Variants in FAM53A observed in about 807,000 individuals in gnomAD.
FAM53A encodes protein FAM53A.
Under a neutral mutation model 26.6 loss-of-function variants are expected in FAM53A, and 28 were observed. The ratio of observed to expected loss-of-function variants is 1.05; its 90% CI spans 0.78 to 1.45. FAM53A has a LOEUF of 1.45. Ranked by LOEUF, FAM53A falls within the 40% of genes most tolerant of loss-of-function variation. The pLI is 0.00. For synonymous variants in FAM53A, 290 were observed against 253.1 expected (o/e 1.15, Z -1.38); for missense variants, 650 against 575.8 (o/e 1.13, Z -1.32).
intron 2 of FAM53A, among the ~76,000 whole-genome samples, chr4:1,661,755 TG>T (rs1197291881): frequency 6.6e-6 from 1 of 152,156 alleles, no homozygotes; most frequent in Non-Finnish European, 1.5e-5. Flanking sequence ...CACCGCCTCA[TG>T]CCTGTGGTTA....
intron 4 of FAM53A, among the ~76,000 whole-genome samples, chr4:1,643,264 A>T (rs977651057): frequency 6.4e-4 from 98 of 152,214 alleles, no homozygotes; most frequent in Non-Finnish European, 1.2e-3. Flanking sequence ...CAGGAGATCA[A>T]GACCATCCTG....
the FAM53A span, among the ~76,000 whole-genome samples, chr4:1,583,905 C>G: frequency 6.6e-6 from 1 of 152,260 alleles, no homozygotes; most frequent in South Asian, 2.1e-4. Flanking sequence ...TATCTCACTG[C>G]TGTTTCCATT....
intron 4 of FAM53A, chr4:1,644,242 A>G (rs914406595): frequency 8.6e-5 from 132 of 1,535,910 alleles, no homozygotes; most frequent in Admixed American, 5.3e-4. Context: ...GTTTTCATTC[A>G]GAGTCGACCC....
chr4:1,655,720 T>C lies in FAM53A; in HGVS notation c.140A>G (p.Gln47Arg). ...TCCACTGAAGACCTTCCAGGGACTCTGGTCTACAAAAAAAGACACAAAGAG... is the reference window on the plus strand; with the variant it reads ...TCCACTGAAGACCTTCCAGGGACTCCGGTCTACAAAAAAAGACACAAAGAG... ...GRLFPLELND[Q>R]SPWKVFSGGP... Residue 47 changes from glutamine to arginine, a missense_variant, in exon 4 of 5, where the codon CAG becomes CGG. Physicochemically the swap from Gln to Arg is conservative, Grantham distance 43. Coordinates refer to ENST00000308132, the MANE Select transcript of FAM53A (RefSeq NM_001174070.3). 1.3e-6 allele frequency: 2 copies of C among 1,558,686 alleles called. No individual in the cohort carries two copies. Among genetic ancestry groups the C allele is most frequent in the South Asian group, 1.2e-5 (1 of 86,334 alleles).
intron 2 of FAM53A, among the ~76,000 whole-genome samples, chr4:1,658,007 G>C (rs529946942): frequency 1.3e-5 from 2 of 150,848 alleles, no homozygotes; most frequent in Admixed American, 1.3e-4. Context: ...ACACTAAGCA[G>C]ACTTTTTTTT....
chr4:1,576,883 C>T, the FAM53A span, among the ~76,000 whole-genome samples: 6 of 152,284 alleles, frequency 3.9e-5, no homozygotes, highest in East Asian at 3.9e-4. Context: ...GGGCGCAGGG[C>T]GGCCTCCTTG....
At chr4:1,577,820 C>T in the FAM53A span, among the ~76,000 whole-genome samples, 1 of 152,158 alleles carries the variant, frequency 6.6e-6, no homozygotes, top group African/African-American at 2.4e-5. Flanking sequence ...CAGCCTTGTC[C>T]AATGTCGGGG....
chr4:1,583,536 G>A, the FAM53A span, among the ~76,000 whole-genome samples: 35 of 152,358 alleles, frequency 2.3e-4, no homozygotes, highest in Non-Finnish European at 4.6e-4. Context: ...ATCACCTCAT[G>A]TGCTTCTCAC....
chr4:1,589,896 C>A, the FAM53A span, among the ~76,000 whole-genome samples: 1 of 152,176 alleles, frequency 6.6e-6, no homozygotes, highest in Non-Finnish European at 1.5e-5. Context: ...TTCTATTTCA[C>A]TGATTTCTGC....
chr4:1,622,296 C>T (rs544624048), intron 1 of FAM53A, among the ~76,000 whole-genome samples: 18 of 152,342 alleles, frequency 1.2e-4, no homozygotes, highest in South Asian at 1.0e-3. Context: ...GTGGGGGTGA[C>T]GACAGGGGCA....
At chr4:1,593,553 C>T in the FAM53A span, among the ~76,000 whole-genome samples, 1 of 152,202 alleles carries the variant, frequency 6.6e-6, no homozygotes, top group South Asian at 2.1e-4. Flanking sequence ...AGGGACTTAT[C>T]TCTTTAGGGC....
chr4:1,603,749 CAAAG>C, the FAM53A span, among the ~76,000 whole-genome samples: 1 of 152,236 alleles, frequency 6.6e-6, no homozygotes, highest in African/African-American at 2.4e-5. Context: ...GAAATTGCCC[CAAAG>C]AAAGGGTTAA....
the FAM53A span, among the ~76,000 whole-genome samples, chr4:1,588,815 A>G: frequency 6.6e-6 from 1 of 152,248 alleles, no homozygotes. Context: ...TTTATTATGC[A>G]TAAATGGACA....
chr4:1,583,215 C>T, the FAM53A span, among the ~76,000 whole-genome samples: 1 of 152,180 alleles, frequency 6.6e-6, no homozygotes, highest in Non-Finnish European at 1.5e-5. Context: ...GTCGAGAGTG[C>T]ACTGGGGAGG....
the FAM53A span, among the ~76,000 whole-genome samples, chr4:1,586,624 A>G: frequency 1.3e-5 from 2 of 151,666 alleles, no homozygotes; most frequent in African/African-American, 4.8e-5. Flanking sequence ...AAAAATATAT[A>G]TATAAAAAAT....
At chr4:1,611,818 T>C in the FAM53A span, among the ~76,000 whole-genome samples, 2 of 152,172 alleles carry the variant, frequency 1.3e-5, no homozygotes, top group African/African-American at 2.4e-5. Flanking sequence ...TGGCGGCACA[T>C]GCAGAGAGAA....
rs1713640387 is a variant in FAM53A, at chr4:1,659,169, C to T, written c.76-1701G>A. On this transcript the variant is annotated intron_variant, in intron 2 of 4. Coordinates refer to ENST00000308132, the MANE Select transcript of FAM53A (RefSeq NM_001174070.3). The surrounding 1 kb of genome is among the most constrained non-coding windows in gnomAD (Gnocchi z 5.2). Reference sequence around the variant, plus strand: ...GTGTGGAGCTGTGAGCACCCGGCCACACCATGAGGACAGGGCCTGGTGCGG... The same window carrying T: ...GTGTGGAGCTGTGAGCACCCGGCCATACCATGAGGACAGGGCCTGGTGCGG... Among the ~76,000 whole-genome samples the T allele has an allele frequency of 6.6e-6, 1 of 152,244 alleles. No individual in the cohort carries two copies. Among genetic ancestry groups the T allele is most frequent in the Non-Finnish European group, 1.5e-5 (1 of 68,042 alleles).
At chr4:1,673,255 G>A (rs932400424) in intron 1 of FAM53A, among the ~76,000 whole-genome samples, 1 of 152,168 alleles carries the variant, frequency 6.6e-6, no homozygotes, top group African/African-American at 2.4e-5. Context: ...CGGCAGGGAG[G>A]ACATGTCCCA....
chr4:1,615,556 C>T (rs1714784218), downstream of FAM53A, among the ~76,000 whole-genome samples: 1 of 148,646 alleles, frequency 6.7e-6, no homozygotes, highest in Non-Finnish European at 1.5e-5. Flanking sequence ...ACATGGAAGA[C>T]AGGATGCGGC....
Sources: allele counts gnomAD v4.1 joint callset (sites outside exome capture counted in the v4.1 genomes callset), GRCh38; gene constraint gnomAD v4.1.1; non-coding constraint Gnocchi (gnomAD v3.1); transcripts MANE v1.5; gene names NCBI Gene and HGNC (gene_info 2026-07-23, HGNC 2026-07-21).